Variants in NEK5 observed in about 807,000 individuals in gnomAD.
The protein encoded by NEK5 is NIMA related kinase 5, also known as serine/threonine-protein kinase Nek5.
In NEK5, 88 loss-of-function variants were observed where a neutral mutation model predicts 109.2. That is an observed-to-expected ratio of 0.81 (90% CI 0.68 to 0.96). NEK5 has a LOEUF of 0.96. NEK5 is among the 40% of genes least tolerant of loss of function. NEK5 has a pLI of 0.00. For synonymous variants in NEK5, 283 were observed against 299.9 expected, an observed-to-expected ratio of 0.94 and a Z score of 0.58; for missense variants, 834 against 920.7, an observed-to-expected ratio of 0.91 and a Z score of 1.22.
chr13:52,071,918 A>C, intron 20 of NEK5, 26 bp downstream of exon 20: 1 of 1,609,980 alleles, frequency 6.2e-7, no homozygotes, highest in Non-Finnish European at 8.5e-7. Context: ...GTTCCTTCTC[A>C]TTTACAACTT....
chr13:52,089,965 A>G (rs1249075972), intron 13 of NEK5, among the ~76,000 whole-genome samples: 1 of 152,032 alleles, frequency 6.6e-6, no homozygotes, highest in Non-Finnish European at 1.5e-5. Flanking sequence ...CCATCTCAAA[A>G]AAAAAAGAAA....
intron 14 of NEK5, among the ~76,000 whole-genome samples, 197 bp from the exon 15 acceptor site, chr13:52,087,651 C>T (rs1438009434): frequency 1.3e-5 from 2 of 151,880 alleles, no homozygotes; most frequent in African/African-American, 4.8e-5. Context: ...TGTTTGAGAG[C>T]GTCTCACTCT....
intron 13 of NEK5, among the ~76,000 whole-genome samples, chr13:52,090,716 C>A (rs577035955): frequency 6.6e-6 from 1 of 152,168 alleles, no homozygotes; most frequent in African/African-American, 2.4e-5. Flanking sequence ...TCTCCACCCC[C>A]CAAATCCTAT....
chr13:52,044,581 TACA>T (rs1954440573), intron 23 of NEK5, among the ~76,000 whole-genome samples: 2 of 152,180 alleles, frequency 1.3e-5, no homozygotes, highest in Admixed American at 1.3e-4. Context: ...TATCAATATA[TACA>T]ACAACATGAA....
At chr13:52,058,626 C>A (rs1463023571) in intron 22 of NEK5, among the ~76,000 whole-genome samples, 1 of 152,028 alleles carries the variant, frequency 6.6e-6, no homozygotes, top group African/African-American at 2.4e-5. Context: ...TGGAACAGAA[C>A]AGAGCCCTCA....
chr13:52,111,426 TATATA>T (rs932604400), intron 5 of NEK5, among the ~76,000 whole-genome samples: 2 of 152,210 alleles, frequency 1.3e-5, no homozygotes, highest in East Asian at 3.8e-4. Flanking sequence ...TGGAATTTAA[TATATA>T]ATATAAATGA....
At chr13:52,116,989 G>A (rs1302310434) in intron 4 of NEK5, among the ~76,000 whole-genome samples, 2 of 151,638 alleles carry the variant, frequency 1.3e-5, no homozygotes. Flanking sequence ...CGCAATCTCA[G>A]CTCACTGCAA....
At chr13:52,083,178 T>G (rs1484806379) in intron 17 of NEK5, 82 bp downstream of exon 17, 1 of 927,120 alleles carries the variant, frequency 1.1e-6, no homozygotes, top group Admixed American at 1.9e-5. Context: ...TACGTGGTTC[T>G]GCTGCACAGA....
intron 12 of NEK5, among the ~76,000 whole-genome samples, chr13:52,095,506 C>T (rs776950982): frequency 2.0e-5 from 3 of 152,178 alleles, no homozygotes; most frequent in Non-Finnish European, 4.4e-5. Context: ...TTAATTCATC[C>T]TCAAATCTTT....
At chr13:52,111,503 A>G (rs1388441329) in intron 5 of NEK5, among the ~76,000 whole-genome samples, 1 of 152,204 alleles carries the variant, frequency 6.6e-6, no homozygotes, top group Non-Finnish European at 1.5e-5. Context: ...TTAATCCTTC[A>G]TATATTCAAA....
chr13:52,099,594 C>T (rs932998490), intron 12 of NEK5, 149 bp downstream of exon 12: 45 of 700,476 alleles, frequency 6.4e-5, no homozygotes, highest in Middle Eastern at 2.8e-4. Flanking sequence ...TGCTTGAACC[C>T]GGGAGGTGGA....
At chr13:52,058,064 G>A (rs1435107630) in intron 22 of NEK5, among the ~76,000 whole-genome samples, 1 of 151,764 alleles carries the variant, frequency 6.6e-6, no homozygotes, top group African/African-American at 2.4e-5. Flanking sequence ...CATTGTCTCA[G>A]CCCAAAATCT....
In NEK5 at chr13:52,093,181, A is replaced by C. The variant is rs766274708; in HGVS notation, c.1081T>G (p.Tyr361Asp). The change falls in exon 13 of 24, where the codon TAT becomes GAT. Residue 361 changes from tyrosine (Y) to aspartate (D), a missense_variant. Coordinates refer to ENST00000684899, the MANE Select transcript of NEK5 (RefSeq NM_001365552.1). ...CTCAGCATATCAAGTTGAGCATAATAATAATCATAATGTCCACAGACAGCA... is the reference window on the plus strand; with the variant it reads ...CTCAGCATATCAAGTTGAGCATAATCATAATCATAATGTCCACAGACAGCA... ...IAAVCGHYDY[Y>D]YAQLDMLRRR... is the part of the protein sequence containing the mutation. 6.2e-7 allele frequency: 1 copy of C among 1,613,730 alleles called. No individual in the cohort carries two copies.
At chr13:52,064,089 G>A (rs1456968463) in intron 21 of NEK5, among the ~76,000 whole-genome samples, 2 of 147,078 alleles carry the variant, frequency 1.4e-5, no homozygotes, top group Non-Finnish European at 3.0e-5. Context: ...ACCCCATCCG[G>A]GAGGTGAGGG....
chr13:52,053,502 T>C (rs1031243069), intron 22 of NEK5, among the ~76,000 whole-genome samples: 6 of 152,112 alleles, frequency 3.9e-5, no homozygotes, highest in Non-Finnish European at 5.9e-5. Flanking sequence ...AATAAAAATC[T>C]TGACTTTCTT....
intron 4 of NEK5, among the ~76,000 whole-genome samples, chr13:52,116,503 A>C (rs78830628): frequency 0.023 from 3,460 of 152,280 alleles, 127 homozygotes; most frequent in African/African-American, 0.079. Flanking sequence ...AATTGCAAGT[A>C]AATGAAATCT....
chr13:52,040,273 C>T (rs559372881), intron 23 of NEK5, among the ~76,000 whole-genome samples: 5 of 152,016 alleles, frequency 3.3e-5, no homozygotes, highest in East Asian at 1.9e-4. Context: ...TTAGTAGAGA[C>T]GGGGTTTCAC....
chr13:52,083,229 A>G, intron 17 of NEK5, 31 bp downstream of exon 17: 1 of 1,444,492 alleles, frequency 6.9e-7, no homozygotes, highest in East Asian at 2.3e-5. Flanking sequence ...ACACACTGCA[A>G]GCACACACAT....
chr13:52,072,192 T>C, intron 19 of NEK5, 122 bp from the exon 20 acceptor site: 1 of 682,088 alleles, frequency 1.5e-6, no homozygotes, highest in Non-Finnish European at 2.4e-6. Context: ...CAACAAATGT[T>C]TACTAAACAA....
Sources: gnomAD v4.1 joint callset for allele counts (sites outside exome capture counted in the v4.1 genomes callset) on GRCh38, gnomAD v4.1.1 for gene constraint, MANE v1.5 for transcripts, NCBI Gene and HGNC (gene_info 2026-07-23, HGNC 2026-07-21) for gene names.